NKAIN2: variants seen among roughly 807,000 people sequenced by gnomAD.
The protein encoded by NKAIN2 is sodium/potassium-transporting ATPase subunit beta-1-interacting protein 2.
NKAIN2 carries 14 observed loss-of-function variants against 32.6 expected under a neutral mutation model. The ratio of observed to expected loss-of-function variants is 0.43; its 90% CI spans 0.28 to 0.67. The LOEUF (loss-of-function observed/expected upper bound fraction) is 0.67, where lower values mean the gene tolerates loss of function less well. Among genes scored for constraint, NKAIN2 ranks in the 30% least tolerant of loss-of-function variants. The pLI is 0.17. For synonymous variants in NKAIN2, 80 were observed against 87.2 expected, an observed-to-expected ratio of 0.92 and a Z score of 0.46; for missense variants, 198 against 258.3, an observed-to-expected ratio of 0.77 and a Z score of 1.60.
intron 3 of NKAIN2, among the ~76,000 whole-genome samples, chr6:124,521,013 T>C (rs534339792): frequency 6.6e-6 from 1 of 152,220 alleles, no homozygotes; most frequent in African/African-American, 2.4e-5. Context: ...TTATTATTTC[T>C]AGTAGCTTTT....
chr6:124,385,830 T>C (rs1772873819), intron 3 of NKAIN2, among the ~76,000 whole-genome samples: 2 of 152,118 alleles, frequency 1.3e-5, no homozygotes, highest in African/African-American at 4.8e-5. Flanking sequence ...CTTCCACTGA[T>C]ACATGTACAT....
At chr6:124,067,945 A>G (rs538798460) in intron 1 of NKAIN2, among the ~76,000 whole-genome samples, 1 of 152,304 alleles carries the variant, frequency 6.6e-6, no homozygotes, top group South Asian at 2.1e-4. Context: ...ATATAAGGAG[A>G]GAATGACAGT....
At chr6:123,993,592 G>A (rs551287379) in intron 1 of NKAIN2, among the ~76,000 whole-genome samples, 5 of 152,090 alleles carry the variant, frequency 3.3e-5, no homozygotes, top group East Asian at 1.9e-4. Flanking sequence ...TATCAATACC[G>A]TGGAATCAGT....
intron 1 of NKAIN2, among the ~76,000 whole-genome samples, chr6:123,891,035 C>T (rs759132675): frequency 1.4e-4 from 21 of 152,110 alleles, no homozygotes; most frequent in Non-Finnish European, 2.2e-4. Flanking sequence ...AATTTTCTTA[C>T]ATGCTACAAC....
At chr6:124,224,735 T>G (rs540517756) in intron 1 of NKAIN2, among the ~76,000 whole-genome samples, 1 of 152,220 alleles carries the variant, frequency 6.6e-6, no homozygotes, top group East Asian at 1.9e-4. Flanking sequence ...ATTGTTTCCT[T>G]AATACATGGG....
chr6:124,523,012 G>A (rs1360674812), intron 3 of NKAIN2, among the ~76,000 whole-genome samples: 1 of 132,898 alleles, frequency 7.5e-6, no homozygotes, highest in Non-Finnish European at 1.6e-5. Flanking sequence ...GCGTAGTGGC[G>A]GGCGCCTGTA....
intron 1 of NKAIN2, among the ~76,000 whole-genome samples, chr6:124,137,812 A>G (rs1406423711): frequency 1.3e-5 from 2 of 152,176 alleles, no homozygotes. Flanking sequence ...GGCAAGCCAT[A>G]TGTAGAAGAA....
chr6:124,461,916 A>T (rs965362889), intron 3 of NKAIN2, among the ~76,000 whole-genome samples: 12 of 142,402 alleles, frequency 8.4e-5, no homozygotes, highest in Admixed American at 1.4e-4. Context: ...TGAGGTTAAT[A>T]AAAAAAAAAA....
intron 1 of NKAIN2, among the ~76,000 whole-genome samples, chr6:124,256,392 A>T (rs1234429382): frequency 6.6e-6 from 1 of 152,208 alleles, no homozygotes; most frequent in African/African-American, 2.4e-5. Flanking sequence ...ATCAATTTTA[A>T]ATTTAAGCAA....
intron 4 of NKAIN2, among the ~76,000 whole-genome samples, chr6:124,672,481 C>T (rs1217514298): frequency 6.6e-6 from 1 of 152,080 alleles, no homozygotes; most frequent in Admixed American, 6.6e-5. Context: ...GTGCTTTTAA[C>T]TCTGTGTGGT....
At chr6:123,982,943 C>T (rs895383093) in intron 1 of NKAIN2, among the ~76,000 whole-genome samples, 3 of 152,016 alleles carry the variant, frequency 2.0e-5, no homozygotes, top group Non-Finnish European at 4.4e-5. Context: ...TCTCCATTCC[C>T]TATTCCTTCC....
At chr6:123,995,191 A>G (rs1390508481) in intron 1 of NKAIN2, among the ~76,000 whole-genome samples, 1 of 152,198 alleles carries the variant, frequency 6.6e-6, no homozygotes, top group Non-Finnish European at 1.5e-5. Flanking sequence ...GGGGAGATGA[A>G]TTCAAAAGAT....
At chr6:124,709,766 C>A (rs990741757) in intron 4 of NKAIN2, among the ~76,000 whole-genome samples, 6 of 151,366 alleles carry the variant, frequency 4.0e-5, no homozygotes, top group African/African-American at 1.5e-4. Flanking sequence ...TTTTATTGAT[C>A]CTTTCAAAAA....
intron 3 of NKAIN2, among the ~76,000 whole-genome samples, chr6:124,604,288 A>G (rs1583505735): frequency 6.6e-6 from 1 of 152,108 alleles, no homozygotes. Flanking sequence ...TAGGAATACT[A>G]AAATAATGTG....
rs564472956 is a variant in NKAIN2, at chr6:124,426,717, C to T, written c.273+71370C>T. Among the ~76,000 whole-genome samples the T allele has an allele frequency of 2.6e-5, 4 of 152,240 alleles. No individual in the cohort carries two copies. In the East Asian group the frequency reaches 7.7e-4, roughly 29 times the overall value. On this transcript the variant is annotated intron_variant, in intron 3 of 6. Transcript: ENST00000368417. ...TTTGTCTGTGTCCCCACCCAAATCT[C>T]ATCTTGAATTATAGCTCCCATAATT...
At chr6:124,027,736 T>G (rs1006306836) in intron 1 of NKAIN2, among the ~76,000 whole-genome samples, 1 of 151,214 alleles carries the variant, frequency 6.6e-6, no homozygotes, top group African/African-American at 2.4e-5. Context: ...AGTTCTTTAT[T>G]TTTTTCTTCT....
At chr6:124,139,701 G>T (rs1787041097) in intron 1 of NKAIN2, among the ~76,000 whole-genome samples, 1 of 152,072 alleles carries the variant, frequency 6.6e-6, no homozygotes, top group Non-Finnish European at 1.5e-5. Context: ...TCTCCTATAA[G>T]ATTTAAAGGT....
chr6:123,932,434 T>TTTTTC (rs1481221049), intron 1 of NKAIN2, among the ~76,000 whole-genome samples: 257 of 91,752 alleles, frequency 2.8e-3, no homozygotes, highest in Non-Finnish European at 3.9e-3. Context: ...TTTTTTTTTT[T>TTTTTC]GAGAAAGAGT....
intron 1 of NKAIN2, among the ~76,000 whole-genome samples, chr6:123,878,869 G>A (rs912238255): frequency 6.6e-6 from 1 of 152,018 alleles, no homozygotes; most frequent in African/African-American, 2.4e-5. Context: ...TTGCCTACCT[G>A]GTGGCAAACT....
Sources: allele counts gnomAD v4.1 joint callset (sites outside exome capture counted in the v4.1 genomes callset), GRCh38; gene constraint gnomAD v4.1.1; transcripts MANE v1.5; gene names NCBI Gene and HGNC (gene_info 2026-07-23, HGNC 2026-07-21).